CELF4: variants seen among roughly 807,000 people sequenced by gnomAD.
CELF4 encodes the protein CUGBP Elav-like family member 4.
In CELF4, 18 loss-of-function variants were observed where a neutral mutation model predicts 59.9. The observed-to-expected ratio is 0.30, with a 90% CI of 0.21 to 0.45. The LOEUF (loss-of-function observed/expected upper bound fraction) is 0.45, where lower values mean the gene tolerates loss of function less well. CELF4 is among the 20% of genes least tolerant of loss of function. The pLI is 1.00. For missense variants in CELF4, 456 were observed against 689.0 expected, an observed-to-expected ratio of 0.66 and a Z score of 3.79; for synonymous variants, 261 against 267.1, an observed-to-expected ratio of 0.98 and a Z score of 0.22.
At chr18:37,322,060 AC>A (rs1720655253) in intron 2 of CELF4, among the ~76,000 whole-genome samples, 179 bp from the exon 3 acceptor site, 1 of 152,212 alleles carries the variant, frequency 6.6e-6, no homozygotes, top group African/African-American at 2.4e-5. Flanking sequence ...TCTCCCCTCG[AC>A]GGCACGGCCC....
At chr18:37,524,657 T>G (rs3888345) in intron 1 of CELF4, among the ~76,000 whole-genome samples, 50,160 of 152,094 alleles carry the variant, frequency 0.33, 9,523 homozygotes, top group East Asian at 0.49. Context: ...TCTGGCGCCG[T>G]CCGCCCGCGG....
intron 2 of CELF4, among the ~76,000 whole-genome samples, chr18:37,335,906 G>C (rs1331715337): frequency 1.3e-5 from 2 of 152,118 alleles, no homozygotes; most frequent in Non-Finnish European, 1.5e-5. Flanking sequence ...CCCGCAGCCT[G>C]CTGTGGCAGG....
At chr18:37,491,243 G>T (rs1207363097) in intron 1 of CELF4, among the ~76,000 whole-genome samples, 1 of 146,442 alleles carries the variant, frequency 6.8e-6, no homozygotes, top group Non-Finnish European at 1.5e-5. Flanking sequence ...CCGAGAGGAC[G>T]CCGTGCCCAC....
chr18:37,435,977 G>C (rs1254602167), intron 2 of CELF4, among the ~76,000 whole-genome samples: 1 of 152,098 alleles, frequency 6.6e-6, no homozygotes, highest in Non-Finnish European at 1.5e-5. Flanking sequence ...GGCACTCCAG[G>C]ACCCCCGCTG....
At chr18:37,501,321 A>C (rs147157537) in intron 1 of CELF4, among the ~76,000 whole-genome samples, 38 of 152,340 alleles carry the variant, frequency 2.5e-4, no homozygotes, top group South Asian at 1.2e-3. Flanking sequence ...AGTGGGAAGG[A>C]TGAGTCAGAG....
chr18:37,348,845 G>A (rs2098365729), intron 2 of CELF4, among the ~76,000 whole-genome samples: 1 of 152,100 alleles, frequency 6.6e-6, no homozygotes, highest in Admixed American at 6.5e-5. Context: ...TAGGAGAGGG[G>A]AGAGGAAGAA....
At chr18:37,247,776 G>C (rs1207018243) in intron 12 of CELF4, among the ~76,000 whole-genome samples, 1 of 152,084 alleles carries the variant, frequency 6.6e-6, no homozygotes, top group East Asian at 1.9e-4. Flanking sequence ...GGGCATGGGC[G>C]GTTTGGCAAG....
rs2067301264 is a variant in CELF4 at position 37,254,005 on chromosome 18, G to A, written c.1334-67C>T. 7 of 1,370,348 alleles carry A rather than the reference G, an allele frequency of 5.1e-6. No individual in the cohort carries two copies. The highest frequency in any genetic ancestry group is 6.9e-6 in the Non-Finnish European group (7 of 1,017,508). 84.9% of individuals were successfully genotyped at this position (1,370,348 alleles called of 1,614,324 possible). A position where few individuals can be genotyped will look rare whatever the true frequency, so the allele number is the denominator to read the frequency against. ...CCGCCCGGGGCGCTGCCGGCGGGGA[G>A]GGGTCGGGGGACAGGGGGGCGGGGC... On this transcript the variant is annotated intron_variant, in intron 11 of 12. Transcript: ENST00000420428. This position sits in a 1 kb window ranked among gnomAD's most constrained non-coding sequence, Gnocchi z 5.1.
Position 37,516,263 on chromosome 18 carries a change from G to A in CELF4, c.287-30656C>T, listed in dbSNP as rs141832250. 4.5e-4 allele frequency among the ~76,000 whole-genome samples: 69 copies of A among 152,158 alleles called. No individual in the cohort carries two copies. The East Asian group carries it at 9.3e-3, about 21-fold the overall frequency. ...CCTGGGGTAGGCATGTGCACACACC[G>A]TTTCCTCTGCTGGGAGGCTCCTCCT... On this transcript the variant is annotated intron_variant, in intron 1 of 12. Coordinates refer to ENST00000420428, the MANE Select transcript of CELF4 (RefSeq NM_020180.4).
In CELF4 at chr18:37,429,767, C is replaced by T. The variant is rs141225021; in HGVS notation, c.369+55758G>A. ...AGGCTAGGGCTTCCGTTTGGCCTTG[C>T]GCAGGGGCTCTCCTCTACAGCCTAT... On this transcript the variant is annotated intron_variant, in intron 2 of 12. Coordinates refer to ENST00000420428, the MANE Select transcript of CELF4 (RefSeq NM_020180.4). Among the ~76,000 whole-genome samples the T allele has an allele frequency of 1.2e-3, 177 of 152,284 alleles. 1 individual carries two copies. The highest frequency in any genetic ancestry group is 1.2e-3 in the East Asian group (6 of 5,170).
At chr18:37,497,885 A>G (rs1204087772) in intron 1 of CELF4, among the ~76,000 whole-genome samples, 1 of 152,134 alleles carries the variant, frequency 6.6e-6, no homozygotes, top group African/African-American at 2.4e-5. Flanking sequence ...TATCATCCCC[A>G]TTTCACAGGT....
Position 37,312,110 on chromosome 18 carries a change from CAAAAA to C in CELF4, c.448+9688_448+9692del, listed in dbSNP as rs59872500. ...TGGGCTACAGAGCGAGATTCCGTCT[CAAAAA>C]AAAAAAAAAAAAAAAGAAAAAAAAA... On this transcript the variant is annotated intron_variant, in intron 3 of 12. Coordinates refer to ENST00000420428, the MANE Select transcript of CELF4 (RefSeq NM_020180.4). Among the ~76,000 whole-genome samples, 3 of 50,796 alleles carry C rather than the reference CAAAAA, an allele frequency of 5.9e-5. No individual in the cohort carries two copies. The East Asian group carries it at 2.3e-3, about 38-fold the overall frequency. 33.3% of individuals were successfully genotyped at this position (50,796 alleles called of 152,430 possible).
chr18:37,347,694 G>C (rs980787169), intron 2 of CELF4, among the ~76,000 whole-genome samples: 1 of 152,140 alleles, frequency 6.6e-6, no homozygotes, highest in African/African-American at 2.4e-5. Context: ...GGCAGGAGGA[G>C]CCAAGTAGAG....
intron 2 of CELF4, among the ~76,000 whole-genome samples, chr18:37,423,052 ATG>A (rs71881682): frequency 0.23 from 27,978 of 121,904 alleles, 3,090 homozygotes; most frequent in Middle Eastern, 0.37. Context: ...ACATAGACAC[ATG>A]CGCGCGCGCG....
chr18:37,414,782 C>T (rs1172410285), intron 2 of CELF4, among the ~76,000 whole-genome samples: 1 of 152,078 alleles, frequency 6.6e-6, no homozygotes, highest in East Asian at 1.9e-4. Context: ...CAGGTGTGAG[C>T]CACAAAGCCC....
chr18:37,287,056 C>T (rs1334800754), intron 3 of CELF4, among the ~76,000 whole-genome samples: 1 of 152,152 alleles, frequency 6.6e-6, no homozygotes, highest in African/African-American at 2.4e-5. Flanking sequence ...TCTCATGGGA[C>T]AGAGGTCCTT....
intron 3 of CELF4, 67 bp downstream of exon 3, chr18:37,321,736 C>CTGCG: frequency 1.7e-6 from 2 of 1,187,036 alleles, no homozygotes; most frequent in Non-Finnish European, 2.5e-6. Flanking sequence ...CATCGCCTTG[C>CTGCG]TGCGTCGGGA....
At chr18:37,490,728 C>A (rs574145251) in intron 1 of CELF4, among the ~76,000 whole-genome samples, 4 of 152,104 alleles carry the variant, frequency 2.6e-5, no homozygotes, top group Non-Finnish European at 4.4e-5. Flanking sequence ...AAACACCTCC[C>A]CGTCTTTGCC....
At chr18:37,451,441 T>C (rs566817433) in intron 2 of CELF4, among the ~76,000 whole-genome samples, 17 of 152,294 alleles carry the variant, frequency 1.1e-4, no homozygotes, top group African/African-American at 4.1e-4. Context: ...TGTGTGTGCA[T>C]GTGCATGTGC....
Sources: gnomAD v4.1 joint callset for allele counts (sites outside exome capture counted in the v4.1 genomes callset) on GRCh38, gnomAD v4.1.1 for gene constraint, Gnocchi (gnomAD v3.1) non-coding constraint, MANE v1.5 for transcripts, NCBI Gene and HGNC (gene_info 2026-07-23, HGNC 2026-07-21) for gene names.